The following CDK8 variants were observed in gnomAD, a reference collection of about 807,000 sequenced individuals.
The protein encoded by CDK8 is cyclin dependent kinase 8.
In CDK8, 29 loss-of-function variants were observed where a neutral mutation model predicts 71.5. The ratio of observed to expected loss-of-function variants is 0.41; its 90% CI spans 0.30 to 0.55. CDK8 has a LOEUF of 0.55. CDK8 is among the 20% of genes least tolerant of loss of function. The probability of loss-of-function intolerance (pLI) is 0.37; values close to 1 mark genes in which losing one functional copy is unlikely to be tolerated. For missense variants in CDK8, 288 were observed against 572.6 expected (o/e 0.50, Z 5.07); for synonymous variants, 161 against 192.1 (o/e 0.84, Z 1.34).
intron 6 of CDK8, among the ~76,000 whole-genome samples, chr13:26,389,052 T>G (rs1316623829): frequency 6.6e-6 from 1 of 152,148 alleles, no homozygotes; most frequent in Admixed American, 6.5e-5. Flanking sequence ...GTAGTCTTAC[T>G]TCTATCACTC....
chr13:26,308,604 C>G (rs996001171), intron 1 of CDK8, among the ~76,000 whole-genome samples: 1 of 152,228 alleles, frequency 6.6e-6, no homozygotes, highest in African/African-American at 2.4e-5. Flanking sequence ...AATTACCTTC[C>G]TGATCTTGGT....
chr13:26,301,257 TAG>T (rs1376200510), intron 1 of CDK8, among the ~76,000 whole-genome samples: 1 of 142,698 alleles, frequency 7.0e-6, no homozygotes, highest in African/African-American at 2.6e-5. Context: ...TCAAACTTCC[TAG>T]AGATGTTCAA....
At chr13:26,269,969 A>T (rs1451654011) in intron 1 of CDK8, among the ~76,000 whole-genome samples, 1 of 152,192 alleles carries the variant, frequency 6.6e-6, no homozygotes, top group African/African-American at 2.4e-5. Context: ...ATTAAATCCC[A>T]ATTGTCTTCA....
chr13:26,257,829 T>C (rs1441983973), intron 1 of CDK8, among the ~76,000 whole-genome samples: 1 of 151,924 alleles, frequency 6.6e-6, no homozygotes, highest in Non-Finnish European at 1.5e-5. Flanking sequence ...CTTAGCAGGG[T>C]TTTTAATCTG....
At chr13:26,265,222 A>T (rs1871970327) in intron 1 of CDK8, among the ~76,000 whole-genome samples, 1 of 152,116 alleles carries the variant, frequency 6.6e-6, no homozygotes, top group Admixed American at 6.6e-5. Context: ...TCTGTGCCAG[A>T]TGTAGGTGAT....
intron 2 of CDK8, among the ~76,000 whole-genome samples, chr13:26,341,130 G>GT (rs1018290321): frequency 6.6e-6 from 1 of 152,032 alleles, no homozygotes; most frequent in Non-Finnish European, 1.5e-5. Context: ...GCATACCTCA[G>GT]TTTTTTTCTT....
chr13:26,273,216 A>G (rs1872411509), intron 1 of CDK8, among the ~76,000 whole-genome samples: 1 of 152,198 alleles, frequency 6.6e-6, no homozygotes, highest in African/African-American at 2.4e-5. Flanking sequence ...GGCCATAAAT[A>G]TAGGATATTT....
At chr13:26,263,084 T>C (rs1566461840) in intron 1 of CDK8, among the ~76,000 whole-genome samples, 1 of 152,182 alleles carries the variant, frequency 6.6e-6, no homozygotes, top group Non-Finnish European at 1.5e-5. Context: ...GCTAATGTAG[T>C]TTATATTAAA....
intron 1 of CDK8, among the ~76,000 whole-genome samples, chr13:26,264,637 GTACTCC>G (rs1187329235): frequency 6.6e-6 from 1 of 152,052 alleles, no homozygotes; most frequent in African/African-American, 2.4e-5. Flanking sequence ...TTTTTGTTTA[GTACTCC>G]TACTCTACTA....
At chr13:26,293,112 C>A (rs950888567) in intron 1 of CDK8, among the ~76,000 whole-genome samples, 1 of 152,078 alleles carries the variant, frequency 6.6e-6, no homozygotes, top group Non-Finnish European at 1.5e-5. Flanking sequence ...TTGATAATTT[C>A]TCTTTTTGTA....
At chr13:26,385,852 T>C (rs1875452239) in intron 6 of CDK8, among the ~76,000 whole-genome samples, 1 of 152,202 alleles carries the variant, frequency 6.6e-6, no homozygotes. Context: ...TCTCTCTGCA[T>C]AGAAAGATAT....
At chr13:26,359,020 C>T (rs1430584606) in intron 4 of CDK8, 2 of 302,982 alleles carry the variant, frequency 6.6e-6, no homozygotes, top group African/African-American at 4.5e-5. Flanking sequence ...GAGTAAGACT[C>T]TGTCTGTAAA....
chr13:26,333,437 G>A (rs1278944803), intron 1 of CDK8, among the ~76,000 whole-genome samples: 1 of 152,106 alleles, frequency 6.6e-6, no homozygotes, highest in Non-Finnish European at 1.5e-5. Context: ...ACCACACCCG[G>A]CTGATATGCT....
intron 1 of CDK8, among the ~76,000 whole-genome samples, chr13:26,329,996 A>G (rs1875234198): frequency 6.6e-6 from 1 of 151,818 alleles, no homozygotes; most frequent in Non-Finnish European, 1.5e-5. Context: ...CTACTGATTT[A>G]TTTCCCCAGG....
In CDK8 at chr13:26,389,624, A is replaced by G. The variant is rs77242578; in HGVS notation, c.647-3743A>G. Among the ~76,000 whole-genome samples, 129 of 152,254 alleles carry G rather than the reference A, an allele frequency of 8.5e-4. 1 individual carries two copies. In the East Asian group the frequency reaches 0.024, roughly 28 times the overall value. Reference sequence around the variant, plus strand: ...TCTGGTGTACACCTGCTTGCCCAAGATCAGTCTTGGGGAACACTTTCTTCT... The same window carrying G: ...TCTGGTGTACACCTGCTTGCCCAAGGTCAGTCTTGGGGAACACTTTCTTCT... On this transcript the variant is annotated intron_variant, in intron 6 of 12. Transcript: ENST00000381527.
chr13:26,379,983 T>A (rs2138041611), intron 4 of CDK8, among the ~76,000 whole-genome samples: 1 of 152,336 alleles, frequency 6.6e-6, no homozygotes, highest in South Asian at 2.1e-4. Flanking sequence ...GGCATAGCGA[T>A]GACATAGTTG....
intron 1 of CDK8, among the ~76,000 whole-genome samples, chr13:26,279,453 G>GTGCA (rs1872664906): frequency 6.6e-6 from 1 of 151,620 alleles, no homozygotes; most frequent in Non-Finnish European, 1.5e-5. Flanking sequence ...CTTTCATGGG[G>GTGCA]TGCAGTAAGA....
intron 1 of CDK8, among the ~76,000 whole-genome samples, chr13:26,294,894 T>C (rs947547417): frequency 2.0e-5 from 3 of 151,976 alleles, no homozygotes; most frequent in Non-Finnish European, 4.4e-5. Context: ...GGACTACATG[T>C]GTGCACCACC....
At chr13:26,328,620 C>G (rs1289722011) in intron 1 of CDK8, among the ~76,000 whole-genome samples, 5 of 152,150 alleles carry the variant, frequency 3.3e-5, no homozygotes, top group African/African-American at 7.2e-5. Context: ...TTACTGATCC[C>G]TTTCTAAGTG....
Sources: allele counts gnomAD v4.1 joint callset (sites outside exome capture counted in the v4.1 genomes callset), GRCh38; gene constraint gnomAD v4.1.1; transcripts MANE v1.5; gene names NCBI Gene and HGNC (gene_info 2026-07-23, HGNC 2026-07-21).